MGAT4C: variants seen among roughly 807,000 people sequenced by gnomAD.
MGAT4C encodes MGAT4 family member C, also known as alpha-1,3-mannosyl-glycoprotein 4-beta-N-acetylglucosaminyltransferase C.
In MGAT4C, 19 loss-of-function variants were observed where a neutral mutation model predicts 40.1. The observed-to-expected ratio is 0.47, with a 90% CI of 0.33 to 0.70. The LOEUF (loss-of-function observed/expected upper bound fraction) is 0.70, where lower values mean the gene tolerates loss of function less well. MGAT4C is among the 30% of genes least tolerant of loss of function. The probability of loss-of-function intolerance (pLI) is 0.02; values close to 1 mark genes in which losing one functional copy is unlikely to be tolerated. For synonymous variants in MGAT4C, 181 were observed against 187.1 expected (o/e 0.97, Z 0.27); for missense variants, 491 against 563.2 (o/e 0.87, Z 1.30).
intron 2 of MGAT4C, among the ~76,000 whole-genome samples, chr12:86,578,566 G>A (rs1029017128): frequency 4.6e-5 from 7 of 151,628 alleles, no homozygotes; most frequent in Admixed American, 1.3e-4. Context: ...GCCTGTTCAG[G>A]TTTTAGATTT....
intron 2 of MGAT4C, among the ~76,000 whole-genome samples, chr12:86,589,425 A>G (rs1389343386): frequency 6.6e-6 from 1 of 152,052 alleles, no homozygotes; most frequent in East Asian, 1.9e-4. Flanking sequence ...CTTACCAACC[A>G]AAAAGAGTCC....
chr12:86,682,392 T>C (rs1949999550), intron 2 of MGAT4C, among the ~76,000 whole-genome samples: 1 of 152,056 alleles, frequency 6.6e-6, no homozygotes, highest in African/African-American at 2.4e-5. Context: ...ATAATTCCAA[T>C]GAAAGGCATG....
intron 2 of MGAT4C, among the ~76,000 whole-genome samples, chr12:86,027,024 T>C (rs1430480417): frequency 6.6e-6 from 1 of 152,040 alleles, no homozygotes; most frequent in African/African-American, 2.4e-5. Context: ...CTCAGTATAC[T>C]ATAAGTAGGT....
At chr12:86,216,805 T>C (rs1950691685) in intron 1 of MGAT4C, among the ~76,000 whole-genome samples, 1 of 152,196 alleles carries the variant, frequency 6.6e-6, no homozygotes, top group Non-Finnish European at 1.5e-5. Context: ...ATCTTCGAAG[T>C]TGTCAGCATT....
intron 2 of MGAT4C, among the ~76,000 whole-genome samples, chr12:86,590,919 C>T (rs1470731709): frequency 6.6e-6 from 1 of 151,862 alleles, no homozygotes; most frequent in Non-Finnish European, 1.5e-5. Flanking sequence ...TCAAGAAGGC[C>T]TATTTTCAGC....
rs747876074 is a variant in MGAT4C at position 86,377,334 on chromosome 12, C to T, written c.-119-43207G>A. ...TCAGCATCCCAAAGTGCTGGGATTA[C>T]AGGCGTGAGCCACTGCACCCGGCTG... On this transcript the variant is annotated intron_variant, in intron 3 of 7. Transcript: ENST00000548651. Among the ~76,000 whole-genome samples the T allele has an allele frequency of 1.1e-3, 170 of 152,304 alleles. 1 individual carries two copies. Among genetic ancestry groups the T allele is most frequent in the Non-Finnish European group, 1.1e-3 (75 of 68,024 alleles).
intron 1 of MGAT4C, among the ~76,000 whole-genome samples, chr12:86,242,716 A>C (rs1221881085): frequency 6.6e-6 from 1 of 152,058 alleles, no homozygotes; most frequent in African/African-American, 2.4e-5. Flanking sequence ...GTGGCTGAAA[A>C]CCTAGCTGTC....
chr12:86,121,216 AAC>A (rs1879322114), intron 1 of MGAT4C, among the ~76,000 whole-genome samples: 1 of 152,216 alleles, frequency 6.6e-6, no homozygotes, highest in African/African-American at 2.4e-5. Context: ...AAAAGAAATG[AAC>A]AAAGCCTCCA....
At chr12:86,366,105 T>C (rs1270897357) in intron 3 of MGAT4C, among the ~76,000 whole-genome samples, 1 of 152,212 alleles carries the variant, frequency 6.6e-6, no homozygotes, top group Non-Finnish European at 1.5e-5. Context: ...CAGTTTCACA[T>C]CCTTGATTAG....
intron 1 of MGAT4C, among the ~76,000 whole-genome samples, chr12:86,061,255 G>T (rs1893932701): frequency 6.6e-6 from 1 of 152,112 alleles, no homozygotes; most frequent in East Asian, 1.9e-4. Context: ...AAGTGCAAGG[G>T]GTTGGGGAAT....
chr12:86,520,796 T>C (rs560026979), intron 2 of MGAT4C, among the ~76,000 whole-genome samples: 2 of 151,892 alleles, frequency 1.3e-5, no homozygotes, highest in South Asian at 2.1e-4. Flanking sequence ...TGGTATCTCA[T>C]TGTGATTTAA....
At chr12:86,814,179 T>C (rs1952537733) in intron 1 of MGAT4C, among the ~76,000 whole-genome samples, 3 of 151,648 alleles carry the variant, frequency 2.0e-5, no homozygotes. Context: ...CACTGTTATC[T>C]CCCATGGCTT....
intron 1 of MGAT4C, among the ~76,000 whole-genome samples, chr12:86,070,102 T>TTGGAAACC (rs1298577225): frequency 3.3e-5 from 5 of 151,870 alleles, no homozygotes; most frequent in Non-Finnish European, 7.4e-5. Flanking sequence ...TTTTTTTTTT[T>TTGGAAACC]TGGAAATCTG....
chr12:86,260,344 C>T (rs749166501), upstream of MGAT4C, among the ~76,000 whole-genome samples: 5 of 152,094 alleles, frequency 3.3e-5, no homozygotes, highest in East Asian at 1.9e-4. Flanking sequence ...ATTCTAAACT[C>T]GTTTCTCAAT....
At chr12:86,106,879 T>G (rs927709723) in intron 1 of MGAT4C, among the ~76,000 whole-genome samples, 6 of 152,154 alleles carry the variant, frequency 3.9e-5, no homozygotes, top group Non-Finnish European at 7.3e-5. Context: ...GTTTTTCATA[T>G]TTTCCAAATC....
intron 1 of MGAT4C, among the ~76,000 whole-genome samples, chr12:86,739,312 A>ATAAT (rs36081730): frequency 0.42 from 63,152 of 150,070 alleles, 13,480 homozygotes; most frequent in African/African-American, 0.47. Flanking sequence ...TATTTTATTC[A>ATAAT]TAAAGAGTAA....
chr12:86,408,185 A>G (rs1339260881), intron 3 of MGAT4C, among the ~76,000 whole-genome samples: 2 of 152,008 alleles, frequency 1.3e-5, no homozygotes. Context: ...GAATGCACAC[A>G]TGGGTGACAT....
chr12:86,489,494 G>A (rs1958089139), intron 2 of MGAT4C, among the ~76,000 whole-genome samples: 1 of 152,152 alleles, frequency 6.6e-6, no homozygotes, highest in African/African-American at 2.4e-5. Context: ...AAACTACAAG[G>A]CAAAGGGCCT....
intron 2 of MGAT4C, among the ~76,000 whole-genome samples, chr12:86,603,088 A>G (rs1961844730): frequency 6.6e-6 from 1 of 151,538 alleles, no homozygotes; most frequent in South Asian, 2.1e-4. Flanking sequence ...AGACAGTAGG[A>G]TGGTGGTTTC....
Sources: gnomAD v4.1 joint callset for allele counts (sites outside exome capture counted in the v4.1 genomes callset) on GRCh38, gnomAD v4.1.1 for gene constraint, MANE v1.5 for transcripts, NCBI Gene and HGNC (gene_info 2026-07-23, HGNC 2026-07-21) for gene names.